Variants in UGT1A10 observed in about 807,000 individuals in gnomAD.
The protein encoded by UGT1A10 is UDP-glucuronosyltransferase 1A10.
UGT1A10 carries 49 observed loss-of-function variants against 45.8 expected under a neutral mutation model. The ratio of observed to expected loss-of-function variants is 1.07; its 90% confidence interval spans 0.85 to 1.36. The LOEUF is 1.36. Among genes scored for constraint, UGT1A10 ranks in the 40% most tolerant of loss-of-function variants. The pLI, the probability that UGT1A10 is intolerant of heterozygous loss-of-function variation, is 0.00. For missense variants in UGT1A10, 745 were observed against 668.6 expected, an observed-to-expected ratio of 1.11 and a Z score of -1.26; for synonymous variants, 284 against 249.7, an observed-to-expected ratio of 1.14 and a Z score of -1.29.
chr2:233,711,434 TAC>T (rs1559357703), intron 1 of UGT1A10, among the ~76,000 whole-genome samples: 5 of 152,176 alleles, frequency 3.3e-5, no homozygotes, highest in African/African-American at 1.2e-4. Context: ...TTAGGATGCA[TAC>T]AGTTTTAAGG....
chr2:233,724,386 G>A (rs1217254636), intron 1 of UGT1A10, among the ~76,000 whole-genome samples: 4 of 141,148 alleles, frequency 2.8e-5, no homozygotes, highest in Non-Finnish European at 3.1e-5. Flanking sequence ...GGGCGGAGAC[G>A]CTCCTCACTT....
At chr2:233,664,478 T>C (rs1026618390) in intron 1 of UGT1A10, among the ~76,000 whole-genome samples, 2 of 152,218 alleles carry the variant, frequency 1.3e-5, no homozygotes, top group African/African-American at 4.8e-5. Flanking sequence ...AGAGGTTTAA[T>C]TGGCTCAAGA....
At chr2:233,721,695 A>G (rs928458069) in intron 1 of UGT1A10, 3 of 356,024 alleles carry the variant, frequency 8.4e-6, no homozygotes, top group African/African-American at 6.4e-5. Context: ...TGCAAGACGC[A>G]TGGCTCATCT....
intron 2 of UGT1A10, among the ~76,000 whole-genome samples, chr2:233,767,485 A>G (rs764164317): frequency 5.9e-4 from 90 of 152,344 alleles, no homozygotes; most frequent in Non-Finnish European, 1.1e-3. Flanking sequence ...AAATAGAAGT[A>G]TTTCTCCAAA....
intron 1 of UGT1A10, among the ~76,000 whole-genome samples, chr2:233,749,734 G>A (rs1231776352): frequency 4.0e-5 from 6 of 151,850 alleles, no homozygotes; most frequent in African/African-American, 1.5e-4. Flanking sequence ...GCACCTGCTG[G>A]TCTCATCATA....
At chr2:233,671,687 T>C (rs777507016) in intron 1 of UGT1A10, among the ~76,000 whole-genome samples, 8 of 152,256 alleles carry the variant, frequency 5.3e-5, no homozygotes, top group Non-Finnish European at 8.8e-5. Flanking sequence ...GCACAGGGCA[T>C]GTTCTGCCCC....
At chr2:233,669,483 G>A (rs2074138357) in intron 1 of UGT1A10, among the ~76,000 whole-genome samples, 1 of 152,036 alleles carries the variant, frequency 6.6e-6, no homozygotes, top group African/African-American at 2.4e-5. Context: ...CCAATGTTTT[G>A]TTGTTTTCAG....
chr2:233,765,884 C>T (rs1054179790), intron 1 of UGT1A10, among the ~76,000 whole-genome samples: 2 of 152,082 alleles, frequency 1.3e-5, no homozygotes, highest in African/African-American at 4.8e-5. Context: ...CTCACTTTCT[C>T]AGTGCGCCAC....
At chr2:233,731,691 A>C (rs2078192631) in intron 1 of UGT1A10, among the ~76,000 whole-genome samples, 1 of 152,178 alleles carries the variant, frequency 6.6e-6, no homozygotes, top group Non-Finnish European at 1.5e-5. Flanking sequence ...TCATTGATGG[A>C]CATTTGGATT....
chr2:233,706,305 G>A (rs916306818), intron 1 of UGT1A10, among the ~76,000 whole-genome samples: 1 of 152,206 alleles, frequency 6.6e-6, no homozygotes, highest in African/African-American at 2.4e-5. Context: ...GTACTATGTA[G>A]ATAGTGCCTT....
chr2:233,748,199 G>T (rs1164871167), intron 1 of UGT1A10: 1 of 1,533,212 alleles, frequency 6.5e-7, no homozygotes. Context: ...TCTGCTTGTC[G>T]TAATAGCCTT....
At chr2:233,671,770 A>C in intron 1 of UGT1A10, 1 of 1,373,002 alleles carries the variant, frequency 7.3e-7, no homozygotes. Flanking sequence ...CTACTCATAT[A>C]TTCTTGTTCT....
At chr2:233,663,534 A>T (rs2074015041) in intron 1 of UGT1A10, among the ~76,000 whole-genome samples, 2 of 152,042 alleles carry the variant, frequency 1.3e-5, no homozygotes, top group South Asian at 4.2e-4. Flanking sequence ...TCAAGCACTG[A>T]TCTTAGGAGT....
intron 1 of UGT1A10, chr2:233,671,836 G>T (rs187589331): frequency 1.4e-6 from 2 of 1,461,210 alleles, no homozygotes; most frequent in Admixed American, 2.6e-5. Flanking sequence ...ATAAAAACAC[G>T]CCCTCTATTG....
At chr2:233,762,774 G>T (rs1698159939) in intron 1 of UGT1A10, among the ~76,000 whole-genome samples, 2 of 149,604 alleles carry the variant, frequency 1.3e-5, no homozygotes, top group Non-Finnish European at 1.5e-5. Flanking sequence ...TCTATCTCTA[G>T]CTGATTATCT....
At chr2:233,698,153 T>G (rs1447834523) in intron 1 of UGT1A10, among the ~76,000 whole-genome samples, 1 of 152,204 alleles carries the variant, frequency 6.6e-6, no homozygotes, top group Non-Finnish European at 1.5e-5. Context: ...ATTCCCAGCA[T>G]GTCGTCCTAG....
intron 1 of UGT1A10, among the ~76,000 whole-genome samples, chr2:233,725,249 G>GGCA (rs1424626643): frequency 6.2e-5 from 3 of 48,540 alleles, no homozygotes; most frequent in African/African-American, 3.4e-4. Flanking sequence ...CAGAGGCAGA[G>GGCA]GAGGCAGAGG....
intron 1 of UGT1A10, among the ~76,000 whole-genome samples, chr2:233,764,553 G>A (rs1698592090): frequency 1.3e-5 from 2 of 152,198 alleles, no homozygotes; most frequent in South Asian, 4.1e-4. Flanking sequence ...GTGTGGGAGG[G>A]TGTGCCTGGA....
chr2:233,696,605 CCTTT>C (rs57635371), intron 1 of UGT1A10, among the ~76,000 whole-genome samples: 49,440 of 151,646 alleles, frequency 0.33, 8,219 homozygotes, highest in African/African-American at 0.38. Flanking sequence ...ACTTGGATGC[CCTTT>C]CTTTCTTTCT....
Sources: allele counts gnomAD v4.1 joint callset (sites outside exome capture counted in the v4.1 genomes callset), GRCh38; gene constraint gnomAD v4.1.1; transcripts MANE v1.5; gene names NCBI Gene and HGNC (gene_info 2026-07-23, HGNC 2026-07-21).